Variants in SLIT3 observed in about 807,000 individuals in gnomAD.
SLIT3 encodes the protein slit guidance ligand 3.
In SLIT3, 68 loss-of-function variants were observed where a neutral mutation model predicts 184.0. The observed-to-expected ratio is 0.37, with a 90% CI of 0.30 to 0.45. The LOEUF is 0.45. Ranked by LOEUF, SLIT3 falls within the 20% of genes least tolerant of loss-of-function variation. The pLI, the probability that SLIT3 is intolerant of heterozygous loss-of-function variation, is 1.00. For missense variants in SLIT3, 1,707 were observed against 2,026.0 expected (o/e 0.84, Z 3.02); for synonymous variants, 831 against 828.6 (o/e 1.00, Z -0.05).
At chr5:169,244,674 A>G in intron 3 of SLIT3, 31 bp downstream of exon 3, 2 of 1,586,594 alleles carry the variant, frequency 1.3e-6, no homozygotes, top group Non-Finnish European at 1.7e-6. Flanking sequence ...GTAAATAAAT[A>G]CTTTAAGAAA....
chr5:169,086,176 G>C (rs961706035), intron 4 of SLIT3, among the ~76,000 whole-genome samples: 1 of 152,142 alleles, frequency 6.6e-6, no homozygotes, highest in African/African-American at 2.4e-5. Context: ...TTTTAAGAGC[G>C]TAGAGGGTTA....
At chr5:169,059,041 A>G (rs943376329) in intron 4 of SLIT3, among the ~76,000 whole-genome samples, 6 of 152,134 alleles carry the variant, frequency 3.9e-5, no homozygotes, top group African/African-American at 1.4e-4. Context: ...GAAGCCCTGA[A>G]TTGGAGGGTT....
Position 168,692,631 on chromosome 5 carries a change from C to A in SLIT3, c.3152G>T (p.Cys1051Phe). 6.2e-7 allele frequency: 1 copy of A among 1,613,950 alleles called. No individual in the cohort carries two copies. The highest frequency in any genetic ancestry group is 8.5e-7 in the Non-Finnish European group (1 of 1,179,872). Residue 1051 changes from cysteine (C) to phenylalanine (F), a missense_variant, in exon 29 of 36, where the codon TGC becomes TTC. This residue lies in a region of SLIT3 where 1,307 missense variants were observed against 1,511.6 expected (regional missense o/e 0.86). Coordinates refer to ENST00000519560, the MANE Select transcript of SLIT3 (RefSeq NM_003062.4). ...ELNLCQHEAK[C>F]IPLDKGFSCE... ...CCTGAATCCTTTGTCCAGGGGGATGCACTTGGCCTCATGCTGACAGAGGTT... is the reference window on the plus strand; with the variant it reads ...CCTGAATCCTTTGTCCAGGGGGATGAACTTGGCCTCATGCTGACAGAGGTT...
intron 9 of SLIT3, among the ~76,000 whole-genome samples, chr5:168,796,767 T>C (rs774908580): frequency 1.2e-4 from 18 of 152,170 alleles, no homozygotes; most frequent in Non-Finnish European, 1.9e-4. Context: ...CTCATCTTCA[T>C]TGGGGGAACA....
chr5:169,066,455 G>T (rs935846824), intron 4 of SLIT3, among the ~76,000 whole-genome samples: 1 of 152,054 alleles, frequency 6.6e-6, no homozygotes, highest in Non-Finnish European at 1.5e-5. Context: ...CAACTTACAA[G>T]ACCAAAAAAA....
At chr5:168,730,120 A>C (rs1405481512) in intron 20 of SLIT3, among the ~76,000 whole-genome samples, 19 of 152,262 alleles carry the variant, frequency 1.2e-4, no homozygotes, top group Non-Finnish European at 2.9e-5. Flanking sequence ...AGTAAAAAAA[A>C]AAGACAAAAA....
chr5:168,686,176 G>C (rs904195614), intron 30 of SLIT3, among the ~76,000 whole-genome samples: 1 of 152,182 alleles, frequency 6.6e-6, no homozygotes, highest in Non-Finnish European at 1.5e-5. Context: ...CAGTTACAGG[G>C]GAGGATCGCT....
At chr5:168,746,442 G>GT (rs1763820143) in intron 20 of SLIT3, among the ~76,000 whole-genome samples, 3 of 120,808 alleles carry the variant, frequency 2.5e-5, no homozygotes, top group African/African-American at 6.4e-5. Flanking sequence ...GTGGTGGTGT[G>GT]GGTGTGGCAG....
At chr5:168,856,411 T>C (rs999233767) in intron 5 of SLIT3, among the ~76,000 whole-genome samples, 4 of 152,214 alleles carry the variant, frequency 2.6e-5, no homozygotes, top group African/African-American at 9.7e-5. Context: ...AAGAACTACC[T>C]TGACATTGAA....
At chr5:169,042,066 C>T (rs565056652) in intron 4 of SLIT3, among the ~76,000 whole-genome samples, 2 of 152,282 alleles carry the variant, frequency 1.3e-5, no homozygotes, top group African/African-American at 2.4e-5. Context: ...ATGTATAGTG[C>T]TGTACACAGG....
chr5:168,876,061 C>T (rs772353962), intron 5 of SLIT3, among the ~76,000 whole-genome samples: 5 of 152,204 alleles, frequency 3.3e-5, no homozygotes, highest in Admixed American at 6.5e-5. Context: ...CCATTTGAGA[C>T]GAGAGCCAGG....
At chr5:169,258,702 C>A (rs1003832000) in intron 1 of SLIT3, among the ~76,000 whole-genome samples, 3 of 152,268 alleles carry the variant, frequency 2.0e-5, no homozygotes, top group South Asian at 2.1e-4. Context: ...GAATTCAGAA[C>A]AACACTGGAA....
chr5:169,155,130 G>A (rs881015), intron 4 of SLIT3, among the ~76,000 whole-genome samples: 3,479 of 152,248 alleles, frequency 0.023, 141 homozygotes, highest in African/African-American at 0.078. Flanking sequence ...GTAACCTAGC[G>A]TCAGCAGCTA....
rs780622123 is a variant in SLIT3 at position 168,666,550 on chromosome 5, G to C, written c.4476C>G (p.Ser1492Arg). Residue 1492 changes from serine to arginine, a missense_variant, in exon 36 of 36, where the codon AGC becomes AGG. By Grantham distance (110) the Ser-to-Arg change is moderately radical. Coordinates refer to ENST00000519560, the MANE Select transcript of SLIT3 (RefSeq NM_003062.4). Reference sequence around the variant, plus strand: ...ACTGGAAGACGTATTTCCGCCGCTTGCTGCGGGTGGGCTGGCAGCACTGGG... The same window carrying C: ...ACTGGAAGACGTATTTCCGCCGCTTCCTGCGGGTGGGCTGGCAGCACTGGG... ...CGPQCCQPTR[S>R]KRRKYVFQCT... 1.2e-6 allele frequency: 2 copies of C among 1,613,868 alleles called. No individual in the cohort carries two copies. Among genetic ancestry groups the C allele is most frequent in the Non-Finnish European group, 1.7e-6 (2 of 1,179,986 alleles).
chr5:168,685,481 G>A (rs1263543658), intron 31 of SLIT3, among the ~76,000 whole-genome samples: 2 of 152,246 alleles, frequency 1.3e-5, no homozygotes, highest in Admixed American at 1.3e-4. Flanking sequence ...GAATGAGGCT[G>A]GAAGTGGGGG....
intron 3 of SLIT3, among the ~76,000 whole-genome samples, chr5:169,240,599 T>C (rs1176732370): frequency 7.4e-6 from 1 of 135,920 alleles, no homozygotes; most frequent in East Asian, 2.1e-4. Context: ...TTTTTTTTTT[T>C]ACTTTCAAGT....
At chr5:169,261,047 C>T (rs1349657907) in intron 1 of SLIT3, among the ~76,000 whole-genome samples, 1 of 152,174 alleles carries the variant, frequency 6.6e-6, no homozygotes, top group Non-Finnish European at 1.5e-5. Context: ...TGGCTGTGTG[C>T]CAATAAAACT....
intron 5 of SLIT3, among the ~76,000 whole-genome samples, chr5:168,856,177 G>A (rs1462885976): frequency 6.6e-6 from 1 of 152,144 alleles, no homozygotes; most frequent in Non-Finnish European, 1.5e-5. Context: ...TGTACTAAAT[G>A]CCACTGAATT....
At chr5:169,178,486 C>T (rs546268920) in intron 4 of SLIT3, among the ~76,000 whole-genome samples, 2 of 152,298 alleles carry the variant, frequency 1.3e-5, no homozygotes, top group Middle Eastern at 3.4e-3. Flanking sequence ...GAGCTTGGCA[C>T]AGAATGGAGA....
Sources: allele counts gnomAD v4.1 joint callset (sites outside exome capture counted in the v4.1 genomes callset), GRCh38; gene constraint gnomAD v4.1.1; regional missense constraint gnomAD v4.1.1; transcripts MANE v1.5; gene names NCBI Gene and HGNC (gene_info 2026-07-23, HGNC 2026-07-21).